RBL1: variants seen among roughly 807,000 people sequenced by gnomAD.
RBL1 encodes the protein RB transcriptional corepressor like 1, also known as retinoblastoma-like protein 1.
A neutral mutation model predicts 123.0 loss-of-function variants in RBL1; 82 were observed. The observed-to-expected ratio is 0.67, with a 90% CI of 0.56 to 0.80. The LOEUF (loss-of-function observed/expected upper bound fraction) is 0.80, where lower values mean the gene tolerates loss of function less well. Ranked by LOEUF, RBL1 falls within the 30% of genes least tolerant of loss-of-function variation. RBL1 has a pLI of 0.00. For synonymous variants in RBL1, 405 were observed against 441.3 expected (o/e 0.92, Z 1.03); for missense variants, 1,171 against 1,299.6 (o/e 0.90, Z 1.52).
intron 2 of RBL1, among the ~76,000 whole-genome samples, chr20:37,068,544 C>T (rs1383950310): frequency 1.3e-5 from 2 of 151,538 alleles, no homozygotes; most frequent in Non-Finnish European, 2.9e-5. Context: ...AAAAAAAAGT[C>T]CTCACTATGA....
intron 21 of RBL1, among the ~76,000 whole-genome samples, chr20:36,999,440 T>TCTCCCTCCTCTCC (rs1332445161): frequency 8.8e-4 from 122 of 138,732 alleles, no homozygotes; most frequent in African/African-American, 3.1e-3. Context: ...CTCCTCTCCC[T>TCTCCCTCCTCTCC]CTCCCTCCTC....
chr20:37,046,702 A>C (rs2064823629), intron 12 of RBL1, among the ~76,000 whole-genome samples: 1 of 150,428 alleles, frequency 6.6e-6, no homozygotes, highest in Non-Finnish European at 1.5e-5. Context: ...TCCACCTCCC[A>C]GGTTAAAGCA....
intron 2 of RBL1, among the ~76,000 whole-genome samples, chr20:37,080,135 T>A (rs2065424887): frequency 6.6e-6 from 1 of 152,066 alleles, no homozygotes; most frequent in Non-Finnish European, 1.5e-5. Context: ...ACTTTCTTTT[T>A]AAAAATATTT....
intron 8 of RBL1, among the ~76,000 whole-genome samples, 170 bp from the exon 9 acceptor site, chr20:37,061,439 C>G (rs2065093573): frequency 6.6e-6 from 1 of 152,104 alleles, no homozygotes; most frequent in Non-Finnish European, 1.5e-5. Context: ...TTTAAAAGCA[C>G]TTTCTACATA....
In RBL1 at chr20:37,068,108, T is replaced by C; in HGVS notation, c.369A>G (p.Glu123=). 1.9e-6 allele frequency: 3 copies of C among 1,613,454 alleles called. No homozygotes were observed. The highest frequency in any genetic ancestry group is 1.7e-6 in the Non-Finnish European group (2 of 1,179,824). Residue 123 remains glutamate (E), a synonymous_variant, in exon 3 of 22, where the codon GAA becomes GAG. Transcript: ENST00000373664. ...ACACCTCAAAATTTCTCTCTAGCCT[T>C]TCTATACGTTCACGAAATTCTTGTG... ...NLPQEFRERI[E]RLERNFEVST...
intron 1 of RBL1, among the ~76,000 whole-genome samples, chr20:37,092,181 A>C (rs900211476): frequency 6.6e-5 from 10 of 152,082 alleles, no homozygotes; most frequent in African/African-American, 2.4e-4. Context: ...TTTTTGTCTC[A>C]AAAAAGAAAA....
rs60728795 is a variant in RBL1, at chr20:37,080,276, C to T, written c.290+8713G>A. 8.9e-3 allele frequency among the ~76,000 whole-genome samples: 1,349 copies of T among 151,844 alleles called. 18 individuals are homozygous for T. The highest frequency in any genetic ancestry group is 0.03 in the African/African-American group (1,243 of 41,370). ...GGTTCAAGCAATTTTCCTGCCTTGGCCTCCCAAGTAGCTGGGATTACAGGC... is the reference window on the plus strand; with the variant it reads ...GGTTCAAGCAATTTTCCTGCCTTGGTCTCCCAAGTAGCTGGGATTACAGGC... On this transcript the variant is annotated intron_variant, in intron 2 of 21. Transcript: ENST00000373664.
chr20:37,061,686 C>A (rs2065097599), intron 8 of RBL1, among the ~76,000 whole-genome samples: 1 of 152,184 alleles, frequency 6.6e-6, no homozygotes. Flanking sequence ...TGGCCATTAA[C>A]AATCAAGTCC....
chr20:37,058,544 G>C (rs1050753817), intron 9 of RBL1, among the ~76,000 whole-genome samples: 2 of 149,788 alleles, frequency 1.3e-5, no homozygotes, highest in Non-Finnish European at 3.0e-5. Flanking sequence ...AGGAAAGAAA[G>C]AAACAATGAC....
chr20:37,073,446 C>T (rs943678506), intron 2 of RBL1, among the ~76,000 whole-genome samples: 3 of 151,938 alleles, frequency 2.0e-5, no homozygotes, highest in African/African-American at 7.3e-5. Flanking sequence ...ATCTGTAATC[C>T]CAGCACTTTG....
intron 15 of RBL1, among the ~76,000 whole-genome samples, chr20:37,034,144 C>T (rs991404857): frequency 2.0e-5 from 3 of 151,950 alleles, no homozygotes; most frequent in Admixed American, 6.6e-5. Flanking sequence ...CTATGTTGCC[C>T]AGTCTGGGTC....
chr20:37,011,876 C>T (rs916998005), intron 19 of RBL1, among the ~76,000 whole-genome samples: 21 of 152,292 alleles, frequency 1.4e-4, no homozygotes, highest in African/African-American at 5.1e-4. Flanking sequence ...CACTCCCTCT[C>T]CCCACGGTCT....
At chr20:37,070,364 C>T (rs1256583746) in intron 2 of RBL1, among the ~76,000 whole-genome samples, 3 of 152,124 alleles carry the variant, frequency 2.0e-5, no homozygotes, top group South Asian at 4.2e-4. Flanking sequence ...CCTAGGAAAA[C>T]CAGAGACCTT....
intron 11 of RBL1, among the ~76,000 whole-genome samples, chr20:37,048,309 T>C (rs963415727): frequency 1.3e-5 from 2 of 152,140 alleles, no homozygotes; most frequent in Admixed American, 1.3e-4. Context: ...CTCTATGGGA[T>C]CAGATGACAG....
chr20:37,064,208 A>G (rs530870435), intron 7 of RBL1, among the ~76,000 whole-genome samples: 1 of 143,570 alleles, frequency 7.0e-6, no homozygotes, highest in Non-Finnish European at 1.5e-5. Context: ...TGCGATCTCA[A>G]CTTACTGCAA....
chr20:37,037,933 C>T (rs1375744661), intron 14 of RBL1, among the ~76,000 whole-genome samples: 2 of 151,574 alleles, frequency 1.3e-5, no homozygotes, highest in Non-Finnish European at 2.9e-5. Flanking sequence ...GATCTGCCCG[C>T]CTCGGCCTCC....
At chr20:37,058,471 T>C (rs889866055) in intron 9 of RBL1, among the ~76,000 whole-genome samples, 10 of 148,586 alleles carry the variant, frequency 6.7e-5, no homozygotes, top group Admixed American at 5.4e-4. Context: ...GCCAAGATCA[T>C]GTCATTGCAC....
At chr20:37,018,482 A>G in intron 18 of RBL1, 113 bp from the exon 19 acceptor site, 1 of 1,380,338 alleles carries the variant, frequency 7.2e-7, no homozygotes, top group Non-Finnish European at 9.5e-7. Context: ...TGTCTGTATA[A>G]GTGATACTCA....
chr20:37,081,988 CAAAA>C (rs2065459158), intron 2 of RBL1: 3 of 456,004 alleles, frequency 6.6e-6, no homozygotes, highest in Non-Finnish European at 1.3e-5. Flanking sequence ...TCATGGTTGC[CAAAA>C]TGTCAACTGG....
Sources: allele counts gnomAD v4.1 joint callset (sites outside exome capture counted in the v4.1 genomes callset), GRCh38; gene constraint gnomAD v4.1.1; transcripts MANE v1.5; gene names NCBI Gene and HGNC (gene_info 2026-07-23, HGNC 2026-07-21).